The following ERC1 variants were observed in gnomAD, a reference collection of about 807,000 sequenced individuals.
ERC1 encodes RAB6 interacting protein 2.
A neutral mutation model predicts 132.0 loss-of-function variants in ERC1; 56 were observed. That is an observed-to-expected ratio of 0.42 (90% CI 0.34 to 0.53). ERC1 has a LOEUF of 0.53. Among genes scored for constraint, ERC1 ranks in the 20% least tolerant of loss-of-function variants. ERC1 has a pLI of 0.03. For synonymous variants in ERC1, 478 were observed against 476.1 expected, an observed-to-expected ratio of 1.00 and a Z score of -0.05; for missense variants, 1,202 against 1,349.9, an observed-to-expected ratio of 0.89 and a Z score of 1.72.
At chr12:1,379,467 G>A (rs900493039) in intron 16 of ERC1, among the ~76,000 whole-genome samples, 2 of 152,156 alleles carry the variant, frequency 1.3e-5, no homozygotes, top group African/African-American at 4.8e-5. Context: ...ATCTTTCCAG[G>A]TCTTCCAGTT....
At chr12:1,296,682 C>G (rs1041669874) in intron 15 of ERC1, among the ~76,000 whole-genome samples, 1 of 152,080 alleles carries the variant, frequency 6.6e-6, no homozygotes, top group African/African-American at 2.4e-5. Context: ...TTACAGGCGT[C>G]AGCCACCGTG....
At chr12:1,359,254 G>A (rs572230839) in intron 15 of ERC1, among the ~76,000 whole-genome samples, 3 of 152,068 alleles carry the variant, frequency 2.0e-5, no homozygotes, top group Non-Finnish European at 4.4e-5. Flanking sequence ...TTTTCTTTAC[G>A]AGTTCTGTCA....
At position 1,028,347 on chromosome 12, in the gene ERC1, T is replaced by G. The variant is rs770220650; in HGVS notation, c.444T>G (p.Asp148Glu). Residue 148 changes from aspartate to glutamate, a missense_variant, in exon 2 of 19, where the codon GAT becomes GAG. Transcript: ENST00000360905. ...CTCACTCCCTTCGTCAGGCGAGAGA[T>G]AACACAATCATGGATCTGCAGACAC... is the stretch of plus-strand genomic sequence containing the variant. Reference protein sequence around the residue: ...TVPHSLRQARDNTIMDLQTQL... With the variant: ...TVPHSLRQARENTIMDLQTQL... The G allele has an allele frequency of 2.5e-5, 41 of 1,613,964 alleles. No individual in the cohort carries two copies. The highest frequency in any genetic ancestry group is 4.5e-5 in the East Asian group (2 of 44,892).
At chr12:1,298,779 A>T (rs2080174225) in intron 15 of ERC1, among the ~76,000 whole-genome samples, 1 of 151,734 alleles carries the variant, frequency 6.6e-6, no homozygotes, top group East Asian at 1.9e-4. Flanking sequence ...TAGAAAAAAA[A>T]AAGCAAGGCT....
chr12:1,154,571 C>T (rs1951188489), intron 8 of ERC1, among the ~76,000 whole-genome samples: 1 of 151,814 alleles, frequency 6.6e-6, no homozygotes. Flanking sequence ...ACTTAATGGA[C>T]TTAATTAAAC....
At chr12:1,019,491 C>T (rs750802535) in intron 1 of ERC1, among the ~76,000 whole-genome samples, 6 of 152,168 alleles carry the variant, frequency 3.9e-5, no homozygotes, top group Non-Finnish European at 5.9e-5. Context: ...GATATTATCA[C>T]ATGTCATGTA....
At chr12:1,280,492 G>A (rs900018186) in intron 14 of ERC1, among the ~76,000 whole-genome samples, 4 of 152,190 alleles carry the variant, frequency 2.6e-5, no homozygotes, top group African/African-American at 9.7e-5. Flanking sequence ...GTCAAGTGAC[G>A]TGGATTCTAA....
intron 13 of ERC1, among the ~76,000 whole-genome samples, chr12:1,250,018 G>C (rs1437329153): frequency 6.6e-6 from 1 of 152,130 alleles, no homozygotes; most frequent in Non-Finnish European, 1.5e-5. Context: ...TTTGAATTTT[G>C]GGAGCACACA....
At chr12:1,373,162 G>A (rs1028701627) in intron 16 of ERC1, among the ~76,000 whole-genome samples, 3 of 152,206 alleles carry the variant, frequency 2.0e-5, no homozygotes, top group Admixed American at 2.0e-4. Context: ...TACCTGTTAT[G>A]TAAGATAGGA....
At chr12:1,368,073 G>A (rs984965633) in intron 15 of ERC1, among the ~76,000 whole-genome samples, 8 of 147,310 alleles carry the variant, frequency 5.4e-5, no homozygotes, top group African/African-American at 2.0e-4. Flanking sequence ...ATATATTACC[G>A]TTCACATTTT....
chr12:1,292,641 G>C (rs1046199485), intron 15 of ERC1, among the ~76,000 whole-genome samples: 4 of 152,144 alleles, frequency 2.6e-5, no homozygotes, highest in African/African-American at 9.7e-5. Context: ...CCTAAGAAGA[G>C]TCCAGTACTA....
chr12:1,025,879 A>G (rs1966859956), intron 1 of ERC1, among the ~76,000 whole-genome samples: 1 of 149,468 alleles, frequency 6.7e-6, no homozygotes, highest in Non-Finnish European at 1.5e-5. Context: ...GCTCACTGCA[A>G]TGTCTGCCGC....
chr12:1,053,109 T>C (rs1320360275), intron 2 of ERC1, among the ~76,000 whole-genome samples: 3 of 152,214 alleles, frequency 2.0e-5, no homozygotes, highest in Non-Finnish European at 4.4e-5. Context: ...TAAACTGTTA[T>C]GTATGGTATA....
chr12:1,351,153 A>G (rs2084959625), intron 15 of ERC1, among the ~76,000 whole-genome samples: 2 of 152,218 alleles, frequency 1.3e-5, no homozygotes, highest in South Asian at 2.1e-4. Flanking sequence ...CCATAGTGAT[A>G]TCCTTGGACT....
At chr12:1,443,847 T>C (rs2154410885) in intron 17 of ERC1, 1 of 152,398 alleles carries the variant, frequency 6.6e-6, no homozygotes, top group South Asian at 2.1e-4. Context: ...AGAAAAAACG[T>C]AGAGCAAGTC....
intron 2 of ERC1, among the ~76,000 whole-genome samples, chr12:1,068,652 GTTTT>G (rs1430913556): frequency 6.7e-6 from 1 of 150,278 alleles, no homozygotes; most frequent in Non-Finnish European, 1.5e-5. Flanking sequence ...TGATAATTTT[GTTTT>G]TTAAGTGAAC....
At chr12:1,078,110 G>A (rs1941626633) in intron 2 of ERC1, among the ~76,000 whole-genome samples, 1 of 152,204 alleles carries the variant, frequency 6.6e-6, no homozygotes, top group South Asian at 2.1e-4. Flanking sequence ...CAAAGCGTAT[G>A]TGAAACTGTT....
chr12:1,102,887 G>A (rs1357145129), intron 3 of ERC1, among the ~76,000 whole-genome samples: 5 of 152,124 alleles, frequency 3.3e-5, no homozygotes, highest in African/African-American at 1.2e-4. Flanking sequence ...CATTCATTTT[G>A]TTATGAAAAA....
intron 12 of ERC1, among the ~76,000 whole-genome samples, chr12:1,224,320 TTTAA>T (rs111325296): frequency 0.19 from 29,459 of 152,098 alleles, 3,379 homozygotes; most frequent in Non-Finnish European, 0.26. Context: ...AAGAGATTGA[TTTAA>T]TTGTCTCACA....
Sources: allele counts gnomAD v4.1 joint callset (sites outside exome capture counted in the v4.1 genomes callset), GRCh38; gene constraint gnomAD v4.1.1; transcripts MANE v1.5; gene names NCBI Gene and HGNC (gene_info 2026-07-23, HGNC 2026-07-21).